Variants in SYPL2 observed in about 807,000 individuals in gnomAD.
SYPL2 encodes synaptophysin like 2.
In SYPL2, 24 loss-of-function variants were observed where a neutral mutation model predicts 31.3. The observed-to-expected ratio is 0.77, with a 90% CI of 0.56 to 1.08. SYPL2 has a LOEUF of 1.08. Ranked by LOEUF, SYPL2 falls within the 50% of genes least tolerant of loss-of-function variation. SYPL2 has a pLI of 0.00. For synonymous variants in SYPL2, 144 were observed against 143.1 expected, an observed-to-expected ratio of 1.01 and a Z score of -0.05; for missense variants, 342 against 360.1, an observed-to-expected ratio of 0.95 and a Z score of 0.41.
At chr1:109,477,620 G>A (rs1656040494) in intron 4 of SYPL2, among the ~76,000 whole-genome samples, 198 bp from the exon 5 acceptor site, 1 of 152,136 alleles carries the variant, frequency 6.6e-6, no homozygotes, top group African/African-American at 2.4e-5. Context: ...GCATTAGCAG[G>A]GCTAGCCTGA....
Position 109,481,948 on chromosome 1 carries a change from A to G in SYPL2, c.*2400A>G, listed in dbSNP as rs913437313. 2 of 152,458 alleles carry G rather than the reference A, an allele frequency of 1.3e-5. No individual in the cohort carries two copies. Among genetic ancestry groups the G allele is most frequent in the African/African-American group, 4.8e-5 (2 of 41,384 alleles). The allele number at this position is 152,458 out of a possible 1,614,324, so 9.4% of individuals were successfully genotyped here. A position where few individuals can be genotyped will look rare whatever the true frequency, so the allele number is the denominator to read the frequency against. On this transcript the variant is annotated 3_prime_UTR_variant, in exon 6 of 6. Coordinates refer to ENST00000369872, the MANE Select transcript of SYPL2 (RefSeq NM_001040709.2). ...GGGTACTTGCCCTTTGTCCCACTAG[A>G]CTCTAACCCAGCACCAGGGTGCCCA... is the stretch of plus-strand genomic sequence containing the variant.
chr1:109,478,487 G>T lies in SYPL2; in HGVS notation c.648+478G>T, dbSNP rs1445399229. Among the ~76,000 whole-genome samples, 1 of 152,194 alleles carries T rather than the reference G, an allele frequency of 6.6e-6. No individual in the cohort carries two copies. The highest frequency in any genetic ancestry group is 2.4e-5 in the African/African-American group (1 of 41,452). On this transcript the variant is annotated intron_variant, in intron 5 of 5. Coordinates refer to ENST00000369872, the MANE Select transcript of SYPL2 (RefSeq NM_001040709.2). The surrounding 1 kb of genome is among the most constrained non-coding windows in gnomAD (Gnocchi z 4.0). ...GGTCTGCTGGATGCATATGGATTTG[G>T]CCATCCCAGTTGTTAGAATGTTGAA...
rs777825790 is a variant in SYPL2 at position 109,475,752 on chromosome 1, T to C, written c.254+47T>C. 1.9e-6 allele frequency: 3 copies of C among 1,587,992 alleles called. No individual in the cohort carries two copies. In the East Asian group the frequency reaches 6.8e-5, roughly 36 times the overall value. ...CCCAGCACATCATCTCTCACTTGAC[T>C]GGCAGGACCTGCTTGGTCTCTTCCT... On this transcript the variant is annotated intron_variant, in intron 3 of 5. Transcript: ENST00000369872.
chr1:109,477,779 C>A lies in SYPL2; in HGVS notation c.457-39C>A, dbSNP rs142185919. The A allele has an allele frequency of 6.9e-4, 1,073 of 1,554,078 alleles. 7 individuals are homozygous for A. The African/African-American group carries it at 0.013, about 18-fold the overall frequency. ...GAAAAGAAGCAAGGGAATCATGGGG[C>A]CTTTCTGAGTGTATTTCCCATCCCT... On this transcript the variant is annotated intron_variant, in intron 4 of 5. Transcript: ENST00000369872.
intron 2 of SYPL2, among the ~76,000 whole-genome samples, chr1:109,474,052 A>G (rs539705852): frequency 1.3e-3 from 193 of 152,302 alleles, no homozygotes; most frequent in Non-Finnish European, 2.2e-3. Context: ...CATTGGCAAA[A>G]TAAAGTGCAT....
Position 109,466,998 on chromosome 1 carries a change from G to A in SYPL2, c.55-61G>A, listed in dbSNP as rs553744570. Reference sequence around the variant, plus strand: ...GGACCGCGTGTGAGTGGGGCAAGGGGACCAGCGCCTTCCCAGGGTTCCCCA... The same window carrying A: ...GGACCGCGTGTGAGTGGGGCAAGGGAACCAGCGCCTTCCCAGGGTTCCCCA... On this transcript the variant is annotated intron_variant, in intron 1 of 5. Coordinates refer to ENST00000369872, the MANE Select transcript of SYPL2 (RefSeq NM_001040709.2). 37 of 1,535,092 alleles carry A rather than the reference G, an allele frequency of 2.4e-5. No individual in the cohort carries two copies. In the African/African-American group the frequency reaches 3.6e-4, roughly 15 times the overall value.
intron 5 of SYPL2, among the ~76,000 whole-genome samples, chr1:109,479,031 C>T (rs973255937): frequency 2.6e-5 from 4 of 152,242 alleles, no homozygotes; most frequent in African/African-American, 7.2e-5. Flanking sequence ...GAAGGTGCTC[C>T]GAACAGGGCC....
Position 109,475,565 on chromosome 1 carries a change from C to G in SYPL2, c.130-16C>G. 6.2e-7 allele frequency: 1 copy of G among 1,611,264 alleles called. No individual in the cohort carries two copies. Among genetic ancestry groups the G allele is most frequent in the South Asian group, 1.1e-5 (1 of 90,922 alleles). On this transcript the variant is annotated splice_polypyrimidine_tract_variant and intron_variant, in intron 2 of 5. Transcript: ENST00000369872. ...TGAGGCCTTCTGACTCTCAAAGAGG[C>G]TTCACTCTCTCTCAGCTCTTTGCTA...
chr1:109,467,347 G>A (rs1655685296), intron 2 of SYPL2, among the ~76,000 whole-genome samples: 1 of 152,158 alleles, frequency 6.6e-6, no homozygotes, highest in Admixed American at 6.5e-5. Flanking sequence ...GCGGAGTCCC[G>A]GATTCGGTCC....
In SYPL2 at chr1:109,466,858, G is replaced by A. The variant is rs2100996993; in HGVS notation, c.15G>A (p.Glu5=). ...GCCGCGCCAGCATGTCCTCGACCGA[G>A]AGCGCCGGCCGCACGGCGGACAAGT... MSST[E]SAGRTADKSP... is the part of the protein sequence containing the mutation. The change falls in exon 1 of 6, where the codon GAG becomes GAA. Residue 5 remains glutamate (E), a synonymous_variant. Coordinates refer to ENST00000369872, the MANE Select transcript of SYPL2 (RefSeq NM_001040709.2). 2 of 1,528,552 alleles carry A rather than the reference G, an allele frequency of 1.3e-6. No individual in the cohort carries two copies. The highest frequency in any genetic ancestry group is 8.7e-7 in the Non-Finnish European group (1 of 1,143,650). 94.7% of individuals were successfully genotyped at this position (1,528,552 alleles called of 1,614,324 possible). A position where few individuals can be genotyped will look rare whatever the true frequency, so the allele number is the denominator to read the frequency against.
At position 109,476,955 on chromosome 1, in the gene SYPL2, A is replaced by G. The variant is rs1281050840; in HGVS notation, c.434A>G (p.Glu145Gly). Residue 145 changes from glutamate (E) to glycine (G), a missense_variant, in exon 4 of 6, where the codon GAG becomes GGG. By Grantham distance (98) the Glu-to-Gly change is moderately conservative. Coordinates refer to ENST00000369872, the MANE Select transcript of SYPL2 (RefSeq NM_001040709.2). ...IYLRFHNLYT[E>G]NKRFPLVDFC... ...CTGCGCTTCCACAACCTCTACACAG[A>G]GAACAAACGCTTCCCGCTGGTGGTG... The G allele has an allele frequency of 6.2e-7, 1 of 1,614,130 alleles. No homozygotes were observed. Among genetic ancestry groups the G allele is most frequent in the African/African-American group, 1.3e-5 (1 of 74,930 alleles).
rs941170327 is a variant in SYPL2, at chr1:109,480,611, A to AT, written c.*1069dup. On this transcript the variant is annotated 3_prime_UTR_variant, in exon 6 of 6. Transcript: ENST00000369872. ...CCAGAGCCCCAGGATGGATGGGCCCATTTTTTCCTTATTCCCTGCTCAGTT... is the reference window on the plus strand; with the variant it reads ...CCAGAGCCCCAGGATGGATGGGCCCATTTTTTTCCTTATTCCCTGCTCAGTT... 21 of 152,404 alleles carry AT rather than the reference A, an allele frequency of 1.4e-4. No homozygotes were observed. Among genetic ancestry groups the AT allele is most frequent in the Non-Finnish European group, 1.2e-4 (8 of 68,018 alleles). The allele number at this position is 152,404 out of a possible 1,614,324, so 9.4% of individuals were successfully genotyped here.
rs375037397 is a variant in SYPL2, at chr1:109,475,711, C to T, written c.254+6C>T. 1.5e-5 allele frequency: 24 copies of T among 1,611,942 alleles called. No homozygotes were observed. Among genetic ancestry groups the T allele is most frequent in the African/African-American group, 4.0e-5 (3 of 74,880 alleles). On this transcript the variant is annotated splice_donor_region_variant and intron_variant, in intron 3 of 5. Transcript: ENST00000369872. ...GCATTTGGCTATCCCTTCAGGTGAG[C>T]AAGAATTGGTTCCAACCCAGCACAT...
At position 109,467,149 on chromosome 1, in the gene SYPL2, G is replaced by A. The variant is rs1655673005; in HGVS notation, c.129+16G>A. 2.0e-6 allele frequency: 3 copies of A among 1,537,026 alleles called. No homozygotes were observed. Among genetic ancestry groups the A allele is most frequent in the South Asian group, 2.4e-5 (2 of 83,558 alleles). ...TCTCCAGTGGGTGAGTCGCTGCCCCGGCCCCGGGCTATTTCGGGAGCCTGG... is the reference window on the plus strand; with the variant it reads ...TCTCCAGTGGGTGAGTCGCTGCCCCAGCCCCGGGCTATTTCGGGAGCCTGG... On this transcript the variant is annotated intron_variant, in intron 2 of 5. Coordinates refer to ENST00000369872, the MANE Select transcript of SYPL2 (RefSeq NM_001040709.2).
Position 109,466,855 on chromosome 1 carries a change from C to G in SYPL2, c.12C>G (p.Thr4=), listed in dbSNP as rs746235921. Residue 4 remains threonine (T), a synonymous_variant, in exon 1 of 6, where the codon ACC becomes ACG. Transcript: ENST00000369872. ...CTCGCCGCGCCAGCATGTCCTCGAC[C>G]GAGAGCGCCGGCCGCACGGCGGACA... MSS[T]ESAGRTADKS... The G allele has an allele frequency of 2.0e-5, 30 of 1,528,652 alleles. No homozygotes were observed. Among genetic ancestry groups the G allele is most frequent in the Non-Finnish European group, 2.6e-5 (30 of 1,143,718 alleles). The allele number at this position is 1,528,652 out of a possible 1,614,324, so 94.7% of individuals were successfully genotyped here.
At position 109,467,136 on chromosome 1, in the gene SYPL2, G is replaced by A. The variant is rs1169787125; in HGVS notation, c.129+3G>A. 1.3e-6 allele frequency: 2 copies of A among 1,540,646 alleles called. No individual in the cohort carries two copies. The highest frequency in any genetic ancestry group is 1.7e-6 in the Non-Finnish European group (2 of 1,144,864). ...GCTTCATCAAAGTTCTCCAGTGGGT[G>A]AGTCGCTGCCCCGGCCCCGGGCTAT... On this transcript the variant is annotated splice_donor_region_variant and intron_variant, in intron 2 of 5. Coordinates refer to ENST00000369872, the MANE Select transcript of SYPL2 (RefSeq NM_001040709.2).
rs926408339 is a variant in SYPL2 at position 109,466,702 on chromosome 1, G to C, written c.-142G>C. The C allele has an allele frequency of 2.4e-6, 2 of 848,998 alleles. No homozygotes were observed. Among genetic ancestry groups the C allele is most frequent in the Non-Finnish European group, 3.2e-6 (2 of 620,450 alleles). 52.6% of individuals were successfully genotyped at this position (848,998 alleles called of 1,614,324 possible). A position where few individuals can be genotyped will look rare whatever the true frequency, so the allele number is the denominator to read the frequency against. ...CAGCCAGCCAGCCAGACTGGACTCCGGCCCACCGACGGCCGCTCGCGCTCC... is the reference window on the plus strand; with the variant it reads ...CAGCCAGCCAGCCAGACTGGACTCCCGCCCACCGACGGCCGCTCGCGCTCC... On this transcript the variant is annotated 5_prime_UTR_variant, in exon 1 of 6. Transcript: ENST00000369872.
In SYPL2 at chr1:109,477,809, T is replaced by C; in HGVS notation, c.457-9T>C. Reference sequence around the variant, plus strand: ...CTGAGTGTATTTCCCATCCCTCTGCTCCTCCCAGGACTTCTGTGTGACTGT... The same window carrying C: ...CTGAGTGTATTTCCCATCCCTCTGCCCCTCCCAGGACTTCTGTGTGACTGT... On this transcript the variant is annotated splice_polypyrimidine_tract_variant and intron_variant, in intron 4 of 5. Coordinates refer to ENST00000369872, the MANE Select transcript of SYPL2 (RefSeq NM_001040709.2). The C allele has an allele frequency of 6.3e-7, 1 of 1,592,184 alleles. No individual in the cohort carries two copies. Among genetic ancestry groups the C allele is most frequent in the Non-Finnish European group, 8.6e-7 (1 of 1,166,668 alleles).
In SYPL2 at chr1:109,476,897, T is replaced by A. The variant is rs1359589422; in HGVS notation, c.376T>A (p.Phe126Ile). 1.2e-6 allele frequency: 2 copies of A among 1,614,208 alleles called. No individual in the cohort carries two copies. The highest frequency in any genetic ancestry group is 1.7e-5 in the Admixed American group (1 of 60,030). The change falls in exon 4 of 6, where the codon TTC (phenylalanine) becomes ATC (isoleucine). Residue 126 changes from phenylalanine (F) to isoleucine (I), a missense_variant. Coordinates refer to ENST00000369872, the MANE Select transcript of SYPL2 (RefSeq NM_001040709.2). ...CTTCGTGACCCTTGGCATCTTTTCCTTCTTCTATACCATGGCTGCCCTAGT... is the reference window on the plus strand; with the variant it reads ...CTTCGTGACCCTTGGCATCTTTTCCATCTTCTATACCATGGCTGCCCTAGT... ...EFFVTLGIFS[F>I]FYTMAALVIY...
Sources: allele counts gnomAD v4.1 joint callset (sites outside exome capture counted in the v4.1 genomes callset), GRCh38; gene constraint gnomAD v4.1.1; non-coding constraint Gnocchi (gnomAD v3.1); transcripts MANE v1.5; gene names NCBI Gene and HGNC (gene_info 2026-07-23, HGNC 2026-07-21).